The following EML4 variants were observed in gnomAD, a reference collection of about 807,000 sequenced individuals.
The protein encoded by EML4 is EMAP like 4, also known as echinoderm microtubule-associated protein-like 4.
In EML4, 72 loss-of-function variants were observed where a neutral mutation model predicts 129.0. The ratio of observed to expected loss-of-function variants is 0.56; its 90% CI spans 0.46 to 0.68. The LOEUF is 0.68. Among genes scored for constraint, EML4 ranks in the 30% least tolerant of loss-of-function variants. EML4 has a pLI of 0.00. For synonymous variants in EML4, 532 were observed against 405.0 expected, an observed-to-expected ratio of 1.31 and a Z score of -3.77; for missense variants, 1,363 against 1,190.6, an observed-to-expected ratio of 1.14 and a Z score of -2.13.
At position 42,282,920 on chromosome 2, in the gene EML4, T is replaced by C; in HGVS notation, c.889T>C (p.Tyr297His). ...TGCATCAGTAGTAGTACTATTTAAT[T>C]ATGAGGAGAGAACTCAGCGACACTA... is the stretch of plus-strand genomic sequence containing the variant. Reference protein sequence around the residue: ...FIASVVVLFNYEERTQRHYLG... With the variant: ...FIASVVVLFNHEERTQRHYLG... The change falls in exon 8 of 23, where the codon TAT becomes CAT. Residue 297 changes from tyrosine (Y) to histidine (H), a missense_variant. Physicochemically the swap from Tyr to His is moderately conservative, Grantham distance 83 (BLOSUM62 2). Transcript: ENST00000318522. 6.2e-7 allele frequency: 1 copy of C among 1,613,478 alleles called. No homozygotes were observed. The highest frequency in any genetic ancestry group is 2.2e-5 in the East Asian group (1 of 44,858).
chr2:42,225,217 T>C (rs1180822513), intron 1 of EML4, among the ~76,000 whole-genome samples: 1 of 152,146 alleles, frequency 6.6e-6, no homozygotes, highest in Non-Finnish European at 1.5e-5. Flanking sequence ...GCTATGAACA[T>C]TGGTGTATAA....
chr2:42,192,167 G>T (rs1040617094), intron 1 of EML4, among the ~76,000 whole-genome samples: 11 of 148,646 alleles, frequency 7.4e-5, no homozygotes, highest in African/African-American at 2.5e-4. Flanking sequence ...TTCCCCAAGA[G>T]TCTGGGTCTT....
At chr2:42,204,878 CTG>C (rs2103985531) in intron 1 of EML4, among the ~76,000 whole-genome samples, 1 of 152,290 alleles carries the variant, frequency 6.6e-6, no homozygotes, top group Non-Finnish European at 1.5e-5. Flanking sequence ...AGTAATGAAT[CTG>C]TGTAAATGTT....
intron 1 of EML4, among the ~76,000 whole-genome samples, chr2:42,192,538 C>T (rs938513039): frequency 2.6e-5 from 4 of 152,076 alleles, no homozygotes; most frequent in Non-Finnish European, 5.9e-5. Flanking sequence ...CCGTGCCCAG[C>T]CTACTGTTTT....
intron 3 of EML4, among the ~76,000 whole-genome samples, chr2:42,258,072 C>T (rs1436060025): frequency 6.6e-6 from 1 of 152,110 alleles, no homozygotes; most frequent in Non-Finnish European, 1.5e-5. Flanking sequence ...TGCACTGTTG[C>T]TTGTTGCTGT....
chr2:42,253,580 C>CAACAT (rs990899601), intron 2 of EML4, among the ~76,000 whole-genome samples: 2 of 152,026 alleles, frequency 1.3e-5, no homozygotes, highest in Non-Finnish European at 2.9e-5. Context: ...GAGATAAACT[C>CAACAT]AACATAATCC....
intron 1 of EML4, among the ~76,000 whole-genome samples, chr2:42,243,792 A>G (rs142035456): frequency 1.3e-5 from 2 of 152,216 alleles, no homozygotes; most frequent in African/African-American, 4.8e-5. Context: ...TGTAATGGTG[A>G]TAGCTTTGGT....
At chr2:42,240,346 T>TAG (rs572345060) in intron 1 of EML4, among the ~76,000 whole-genome samples, 54 of 152,370 alleles carry the variant, frequency 3.5e-4, no homozygotes, top group Middle Eastern at 3.4e-3. Context: ...TTTCTAATCT[T>TAG]ACCTTCCTAG....
intron 17 of EML4, 62 bp from the exon 18 acceptor site, chr2:42,315,900 C>T: frequency 7.9e-7 from 1 of 1,260,228 alleles, no homozygotes; most frequent in Non-Finnish European, 1.1e-6. Context: ...AGAAAAAGAA[C>T]AACTTTTTTT....
In EML4 at chr2:42,208,607, AT is replaced by A. The variant is rs1269369628; in HGVS notation, c.26-36897del. Among the ~76,000 whole-genome samples the A allele has an allele frequency of 2.0e-5, 3 of 151,282 alleles. No individual in the cohort carries two copies. The East Asian group carries it at 5.9e-4, about 30-fold the overall frequency. On this transcript the variant is annotated intron_variant, in intron 1 of 22. Transcript: ENST00000318522. The stretch of plus-strand genomic sequence containing the variant: ...TGCCACCGCACCCGGCTAATTTTTT[AT>A]GTTTTTAGTAGAGACGGGGTTTCAC...
intron 17 of EML4, among the ~76,000 whole-genome samples, chr2:42,310,298 C>CCCCTTTCCCTTCCCCTTT (rs980605689): frequency 2.6e-5 from 4 of 151,308 alleles, no homozygotes; most frequent in South Asian, 2.1e-4. Flanking sequence ...CCTTCCCATT[C>CCCCTTTCCCTTCCCCTTT]CCCTTTCCCT....
intron 6 of EML4, among the ~76,000 whole-genome samples, chr2:42,268,813 T>A (rs976214590): frequency 6.6e-6 from 1 of 152,204 alleles, no homozygotes; most frequent in Non-Finnish European, 1.5e-5. Flanking sequence ...GTCCTCAAAA[T>A]GTTTTTTTCA....
chr2:42,277,775 G>T (rs1352227453), intron 6 of EML4, among the ~76,000 whole-genome samples: 1 of 152,028 alleles, frequency 6.6e-6, no homozygotes, highest in Admixed American at 6.6e-5. Flanking sequence ...CACCGTGTTG[G>T]CCAGGCTGGT....
chr2:42,170,719 T>A (rs1250263262), intron 1 of EML4, among the ~76,000 whole-genome samples: 1 of 152,262 alleles, frequency 6.6e-6, no homozygotes, highest in African/African-American at 2.4e-5. Context: ...TACCTACTGC[T>A]GGAACTGTAT....
chr2:42,309,562 T>C (rs1423231346), intron 17 of EML4, among the ~76,000 whole-genome samples: 2 of 152,102 alleles, frequency 1.3e-5, no homozygotes, highest in Non-Finnish European at 2.9e-5. Flanking sequence ...CCAGTACATA[T>C]TATCTGTGTT....
Position 42,313,231 on chromosome 2 carries a change from C to A in EML4, c.1968-2731C>A, listed in dbSNP as rs538154640. Among the ~76,000 whole-genome samples the A allele has an allele frequency of 2.1e-4, 32 of 152,234 alleles. No individual in the cohort carries two copies. In the East Asian group the frequency reaches 5.6e-3, roughly 27 times the overall value. On this transcript the variant is annotated intron_variant, in intron 17 of 22. Coordinates refer to ENST00000318522, the MANE Select transcript of EML4 (RefSeq NM_019063.5). ...TCGGCCTCCCAAAGTGCTGGGATTA[C>A]AGGCATGAGCCACCGCGCCTGGCTA...
intron 11 of EML4, among the ~76,000 whole-genome samples, chr2:42,293,545 G>A (rs1027745134): frequency 6.6e-6 from 1 of 152,178 alleles, no homozygotes; most frequent in Non-Finnish European, 1.5e-5. Flanking sequence ...CGTTTCAAGT[G>A]TCATTTAATT....
intron 1 of EML4, among the ~76,000 whole-genome samples, chr2:42,245,036 G>A (rs1210167624): frequency 6.8e-6 from 1 of 147,538 alleles, no homozygotes; most frequent in Non-Finnish European, 1.5e-5. Context: ...CTTTATAGAA[G>A]TTAATATGTG....
At chr2:42,264,047 A>C (rs1054691806) in intron 5 of EML4, among the ~76,000 whole-genome samples, 16 of 150,802 alleles carry the variant, frequency 1.1e-4, no homozygotes, top group African/African-American at 3.9e-4. Context: ...TTTTCTTTCA[A>C]GTCTTCTACA....
Sources: gnomAD v4.1 joint callset for allele counts (sites outside exome capture counted in the v4.1 genomes callset) on GRCh38, gnomAD v4.1.1 for gene constraint, MANE v1.5 for transcripts, NCBI Gene and HGNC (gene_info 2026-07-23, HGNC 2026-07-21) for gene names.